Variants in SLC16A7 observed in about 807,000 individuals in gnomAD.
SLC16A7 encodes the protein solute carrier family 16 member 7.
A neutral mutation model predicts 34.9 loss-of-function variants in SLC16A7; 33 were observed. The observed-to-expected ratio is 0.94, with a 90% CI of 0.72 to 1.26. The LOEUF is 1.26. Among genes scored for constraint, SLC16A7 ranks in the 50% most tolerant of loss-of-function variants. The pLI is 0.00. For missense variants in SLC16A7, 573 were observed against 578.1 expected, an observed-to-expected ratio of 0.99 and a Z score of 0.09; for synonymous variants, 201 against 206.6, an observed-to-expected ratio of 0.97 and a Z score of 0.23.
intron 1 of SLC16A7, among the ~76,000 whole-genome samples, 175 bp from the exon 2 acceptor site, chr12:59,654,977 A>C (rs1393557651): frequency 6.6e-6 from 1 of 151,980 alleles, no homozygotes; most frequent in Non-Finnish European, 1.5e-5. Flanking sequence ...TTTATATCTA[A>C]ATGGTCCTTT....
chr12:59,643,980 A>T (rs1054203059), intron 1 of SLC16A7, among the ~76,000 whole-genome samples: 1 of 152,310 alleles, frequency 6.6e-6, no homozygotes, highest in Non-Finnish European at 1.5e-5. Context: ...GTTACCCTTT[A>T]AAAAAGCATT....
intron 1 of SLC16A7, among the ~76,000 whole-genome samples, chr12:59,647,471 C>A (rs1420144404): frequency 1.3e-5 from 2 of 152,124 alleles, no homozygotes; most frequent in African/African-American, 4.8e-5. Flanking sequence ...CCTCCCTAGC[C>A]CTGTGGAACT....
intron 1 of SLC16A7, among the ~76,000 whole-genome samples, chr12:59,637,573 A>C (rs917991402): frequency 2.0e-5 from 3 of 152,092 alleles, no homozygotes. Flanking sequence ...CTCCTATAGC[A>C]AAAGACAGGT....
intron 5 of SLC16A7, among the ~76,000 whole-genome samples, chr12:59,778,476 G>A (rs1882974945): frequency 6.6e-6 from 1 of 152,068 alleles, no homozygotes; most frequent in Admixed American, 6.6e-5. Flanking sequence ...GAATCACTTG[G>A]AATGCATATG....
chr12:59,776,172 C>A (rs1477036475), intron 5 of SLC16A7, among the ~76,000 whole-genome samples: 1 of 151,934 alleles, frequency 6.6e-6, no homozygotes, highest in Non-Finnish European at 1.5e-5. Context: ...TAGAGCATGA[C>A]CAAAGAATAC....
At chr12:59,619,842 CTTAAACACTTTACATGTGTCACCTTTT>C (rs1879618401) in intron 1 of SLC16A7, among the ~76,000 whole-genome samples, 1 of 152,030 alleles carries the variant, frequency 6.6e-6, no homozygotes, top group African/African-American at 2.4e-5. Context: ...CAGGCACTAT[CTTAAACACTTTACATGTGTCACCTTTT>C]TTAATCCATA....
At chr12:59,605,550 A>G (rs73357270) in intron 1 of SLC16A7, among the ~76,000 whole-genome samples, 1 of 152,214 alleles carries the variant, frequency 6.6e-6, no homozygotes, top group African/African-American at 2.4e-5. Context: ...AAGGCATAGA[A>G]TGCAGTACTT....
At chr12:59,751,369 A>T (rs1268396888) in intron 3 of SLC16A7, among the ~76,000 whole-genome samples, 1 of 152,230 alleles carries the variant, frequency 6.6e-6, no homozygotes, top group Non-Finnish European at 1.5e-5. Flanking sequence ...GGTGTGACAG[A>T]GGCACCTGGA....
chr12:59,757,520 C>T (rs1343934933), intron 3 of SLC16A7, among the ~76,000 whole-genome samples: 1 of 152,086 alleles, frequency 6.6e-6, no homozygotes, highest in Non-Finnish European at 1.5e-5. Context: ...TTCTATGATA[C>T]AGGCACTGGA....
chr12:59,638,070 A>C (rs1480842400), intron 1 of SLC16A7, among the ~76,000 whole-genome samples: 1 of 152,134 alleles, frequency 6.6e-6, no homozygotes, highest in Non-Finnish European at 1.5e-5. Context: ...AGCAGTACAA[A>C]ATGAGCTAAG....
intron 2 of SLC16A7, among the ~76,000 whole-genome samples, chr12:59,668,249 C>G (rs1869374061): frequency 6.6e-6 from 1 of 152,138 alleles, no homozygotes; most frequent in South Asian, 2.1e-4. Flanking sequence ...GGTAGATCCA[C>G]CAACAGCTTG....
intron 3 of SLC16A7, among the ~76,000 whole-genome samples, chr12:59,717,589 A>T (rs1875071374): frequency 6.6e-6 from 1 of 152,192 alleles, no homozygotes; most frequent in African/African-American, 2.4e-5. Flanking sequence ...AACTTTTCAA[A>T]GGCAACATAA....
chr12:59,778,781 C>T (rs913422670), intron 5 of SLC16A7, among the ~76,000 whole-genome samples: 1 of 152,060 alleles, frequency 6.6e-6, no homozygotes, highest in Non-Finnish European at 1.5e-5. Flanking sequence ...TGAAGCCATT[C>T]TGCAGAGTAG....
chr12:59,623,682 T>G (rs1369564133), intron 1 of SLC16A7, among the ~76,000 whole-genome samples: 1 of 151,738 alleles, frequency 6.6e-6, no homozygotes, highest in Admixed American at 6.6e-5. Flanking sequence ...TCCACCCTAT[T>G]CTGATAGTTT....
chr12:59,599,588 A>G (rs942834458), intron 1 of SLC16A7, among the ~76,000 whole-genome samples: 8 of 152,216 alleles, frequency 5.3e-5, no homozygotes, highest in Admixed American at 4.6e-4. Flanking sequence ...GTCTTATGCA[A>G]TGTTGTGGTA....
intron 1 of SLC16A7, among the ~76,000 whole-genome samples, chr12:59,612,790 A>C (rs1592389807): frequency 6.6e-6 from 1 of 151,996 alleles, no homozygotes; most frequent in African/African-American, 2.4e-5. Flanking sequence ...AGTGACCTTT[A>C]CTCCAGTTCC....
At chr12:59,636,913 C>T (rs1880454629) in intron 1 of SLC16A7, among the ~76,000 whole-genome samples, 1 of 152,078 alleles carries the variant, frequency 6.6e-6, no homozygotes, top group Non-Finnish European at 1.5e-5. Context: ...CCTGATTTCC[C>T]ATAACTTAGA....
At chr12:59,734,398 G>A (rs982266200) in intron 3 of SLC16A7, among the ~76,000 whole-genome samples, 2 of 152,232 alleles carry the variant, frequency 1.3e-5, no homozygotes, top group African/African-American at 4.8e-5. Context: ...ACCAGGAGTG[G>A]GGAAAGGCCA....
At chr12:59,731,089 C>G (rs543152002) in intron 3 of SLC16A7, among the ~76,000 whole-genome samples, 1 of 151,928 alleles carries the variant, frequency 6.6e-6, no homozygotes, top group Non-Finnish European at 1.5e-5. Flanking sequence ...TTCCTTTTAC[C>G]TAATAAATGG....
Sources: gnomAD v4.1 joint callset for allele counts (sites outside exome capture counted in the v4.1 genomes callset) on GRCh38, gnomAD v4.1.1 for gene constraint, MANE v1.5 for transcripts, NCBI Gene and HGNC (gene_info 2026-07-23, HGNC 2026-07-21) for gene names.